SBF2: variants seen among roughly 807,000 people sequenced by gnomAD.
SBF2 encodes the protein SET binding factor 2, also known as myotubularin-related protein 13.
A neutral mutation model predicts 225.2 loss-of-function variants in SBF2; 112 were observed. The ratio of observed to expected loss-of-function variants is 0.50; its 90% CI spans 0.43 to 0.58. The LOEUF (loss-of-function observed/expected upper bound fraction) is 0.58, where lower values mean the gene tolerates loss of function less well. Ranked by LOEUF, SBF2 falls within the 20% of genes least tolerant of loss-of-function variation. The pLI is 0.00. For synonymous variants in SBF2, 763 were observed against 773.3 expected (o/e 0.99, Z 0.22); for missense variants, 1,996 against 2,206.2 (o/e 0.90, Z 1.91).
intron 1 of SBF2, among the ~76,000 whole-genome samples, chr11:10,211,017 A>AAAAAAAAAAAAAAAAAAAAAAAAC (rs1957926434): frequency 7.2e-6 from 1 of 137,950 alleles, no homozygotes; most frequent in Non-Finnish European, 1.5e-5. Flanking sequence ...CTTGACTCAA[A>AAAAAAAAAAAAAAAAAAAAAAAAC]AAAAAAAAAA....
intron 16 of SBF2, among the ~76,000 whole-genome samples, chr11:9,952,690 T>C (rs1367551203): frequency 1.3e-5 from 2 of 152,166 alleles, no homozygotes; most frequent in African/African-American, 4.8e-5. Context: ...AATGTACATA[T>C]GCAATCTGCT....
chr11:10,163,754 C>T (rs1421161252), intron 2 of SBF2, among the ~76,000 whole-genome samples: 1 of 152,000 alleles, frequency 6.6e-6, no homozygotes, highest in African/African-American at 2.4e-5. Flanking sequence ...ACATAGAGTG[C>T]TTAAAATGGT....
chr11:9,786,756 G>C (rs1487371753), intron 36 of SBF2, among the ~76,000 whole-genome samples: 1 of 152,180 alleles, frequency 6.6e-6, no homozygotes, highest in Non-Finnish European at 1.5e-5. Context: ...CCTCACAGTG[G>C]ATTAAATAGG....
chr11:10,172,269 T>G (rs958461082), intron 2 of SBF2, among the ~76,000 whole-genome samples: 2 of 152,210 alleles, frequency 1.3e-5, no homozygotes, highest in African/African-American at 2.4e-5. Context: ...TAGGCACTTA[T>G]AGCTACAAAC....
At chr11:10,134,292 C>T (rs1207172549) in intron 2 of SBF2, among the ~76,000 whole-genome samples, 1 of 152,168 alleles carries the variant, frequency 6.6e-6, no homozygotes, top group African/African-American at 2.4e-5. Flanking sequence ...TCCCATGACA[C>T]ATGGCAATTG....
At position 9,961,899 on chromosome 11, in the gene SBF2, T is replaced by C. The variant is rs61876983; in HGVS notation, c.1860+58A>G. On this transcript the variant is annotated intron_variant, in intron 16 of 39. Transcript: ENST00000256190. The stretch of plus-strand genomic sequence containing the variant: ...ATATATTGGTAATTACAAAATATTC[T>C]GGAAAAATGAAAAGTATTCTCAAAT... 0.12 allele frequency: 188,426 copies of C among 1,543,568 alleles called. 12,753 individuals carry two copies. The highest frequency in any genetic ancestry group is 0.13 in the Non-Finnish European group (147,857 of 1,121,412).
chr11:9,840,175 A>T (rs888957327), intron 25 of SBF2, among the ~76,000 whole-genome samples: 2 of 151,154 alleles, frequency 1.3e-5, no homozygotes, highest in African/African-American at 4.9e-5. Context: ...TGGAGGTTGC[A>T]GTGAGCTGAG....
intron 3 of SBF2, among the ~76,000 whole-genome samples, chr11:10,036,853 T>G (rs16907410): frequency 0.18 from 27,688 of 152,170 alleles, 2,664 homozygotes; most frequent in East Asian, 0.28. Context: ...CCTTTAATTA[T>G]ATTTGAATGT....
chr11:9,860,868 T>C (rs998104852), intron 17 of SBF2, among the ~76,000 whole-genome samples: 2 of 152,164 alleles, frequency 1.3e-5, no homozygotes, highest in Admixed American at 6.5e-5. Flanking sequence ...ATAATCAGCA[T>C]GCCAAAAAAG....
intron 18 of SBF2, among the ~76,000 whole-genome samples, chr11:9,857,935 G>A (rs1449097876): frequency 6.6e-6 from 1 of 152,066 alleles, no homozygotes; most frequent in African/African-American, 2.4e-5. Context: ...AAGTATGCCT[G>A]TTATTTTAGG....
At chr11:10,281,807 C>T (rs1013155064) in intron 1 of SBF2, among the ~76,000 whole-genome samples, 6 of 152,146 alleles carry the variant, frequency 3.9e-5, no homozygotes, top group Non-Finnish European at 5.9e-5. Context: ...TATGTCAATC[C>T]CACAAACACA....
intron 2 of SBF2, among the ~76,000 whole-genome samples, chr11:10,044,035 A>G (rs1464975984): frequency 6.6e-6 from 1 of 152,242 alleles, no homozygotes; most frequent in African/African-American, 2.4e-5. Flanking sequence ...CACATATTAG[A>G]AAAGAAGAAA....
intron 3 of SBF2, among the ~76,000 whole-genome samples, chr11:10,040,860 A>G (rs1158446287): frequency 6.6e-6 from 1 of 152,032 alleles, no homozygotes; most frequent in Non-Finnish European, 1.5e-5. Flanking sequence ...ACAGGTGAAT[A>G]TGGGTAAAGG....
At chr11:10,269,194 G>A (rs1240988398) in intron 1 of SBF2, among the ~76,000 whole-genome samples, 8 of 152,180 alleles carry the variant, frequency 5.3e-5, no homozygotes, top group African/African-American at 1.9e-4. Flanking sequence ...AGCTATGTCT[G>A]TCTTTTCATT....
At chr11:10,141,075 G>A (rs1954618805) in intron 2 of SBF2, among the ~76,000 whole-genome samples, 2 of 152,144 alleles carry the variant, frequency 1.3e-5, no homozygotes, top group South Asian at 4.1e-4. Context: ...TATCCTTACT[G>A]TGTGGCAAAT....
At position 9,827,266 on chromosome 11, in the gene SBF2, G is replaced by A. The variant is rs1476586101; in HGVS notation, c.3793+2090C>T. 3.3e-5 allele frequency among the ~76,000 whole-genome samples: 5 copies of A among 152,250 alleles called. No homozygotes were observed. In the South Asian group the frequency reaches 6.2e-4, roughly 19 times the overall value. ...TATCTGGGGCCAGGTGCTTTCTCAC[G>A]CCTGTAATCCCAGCACTTTGGGAAG... On this transcript the variant is annotated intron_variant, in intron 28 of 39. Coordinates refer to ENST00000256190, the MANE Select transcript of SBF2 (RefSeq NM_030962.4).
rs151327026 is a variant in SBF2 at position 10,027,606 on chromosome 11, T to C, written c.619+846A>G. On this transcript the variant is annotated intron_variant, in intron 6 of 39. Coordinates refer to ENST00000256190, the MANE Select transcript of SBF2 (RefSeq NM_030962.4). ...AAACACAGATGGAGAGCAATGAGAGTGGGACACTCATAGGCAGGATATATA... is the reference window on the plus strand; with the variant it reads ...AAACACAGATGGAGAGCAATGAGAGCGGGACACTCATAGGCAGGATATATA... 9.9e-3 allele frequency among the ~76,000 whole-genome samples: 1,509 copies of C among 152,032 alleles called. 30 individuals are homozygous for C. The highest frequency in any genetic ancestry group is 0.034 in the African/African-American group (1,409 of 41,438).
chr11:9,942,950 C>T lies in SBF2; in HGVS notation c.1860+19007G>A, dbSNP rs1001560091. The stretch of plus-strand genomic sequence containing the variant: ...AAGAAAGAAAGAAAGAAGGAAGGAA[C>T]GAAGGAAGGAAAGAAGGAAAAAGAA... On this transcript the variant is annotated intron_variant, in intron 16 of 39. Coordinates refer to ENST00000256190, the MANE Select transcript of SBF2 (RefSeq NM_030962.4). 8.0e-4 allele frequency among the ~76,000 whole-genome samples: 60 copies of T among 74,906 alleles called. 1 individual carries two copies. The highest frequency in any genetic ancestry group is 9.5e-4 in the Non-Finnish European group (33 of 34,740). 49.1% of individuals were successfully genotyped at this position (74,906 alleles called of 152,430 possible). A position where few individuals can be genotyped will look rare whatever the true frequency, so the allele number is the denominator to read the frequency against.
In SBF2 at chr11:9,787,704, G is replaced by A. The variant is rs139634638; in HGVS notation, c.4967C>T (p.Ala1656Val). The A allele has an allele frequency of 6.2e-7, 1 of 1,614,198 alleles. No homozygotes were observed. Among genetic ancestry groups the A allele is most frequent in the Non-Finnish European group, 8.5e-7 (1 of 1,180,034 alleles). ...IEKLEHKLNQ[A>V]PEKWQQLWER... ...CCACAGCTGCTGCCACTTCTCAGGGGCTTGGTTCAATTTGTGCTCCAATTT... is the reference window on the plus strand; with the variant it reads ...CCACAGCTGCTGCCACTTCTCAGGGACTTGGTTCAATTTGTGCTCCAATTT... Residue 1656 changes from alanine to valine, a missense_variant, in exon 36 of 40, where the codon GCC becomes GTC. Coordinates refer to ENST00000256190, the MANE Select transcript of SBF2 (RefSeq NM_030962.4).
Sources: gnomAD v4.1 joint callset for allele counts (sites outside exome capture counted in the v4.1 genomes callset) on GRCh38, gnomAD v4.1.1 for gene constraint, MANE v1.5 for transcripts, NCBI Gene and HGNC (gene_info 2026-07-23, HGNC 2026-07-21) for gene names.